The following MORC4 variants were observed in gnomAD, a reference collection of about 807,000 sequenced individuals.
MORC4 encodes the protein MORC family CW-type zinc finger protein 4.
Under a neutral mutation model 65.5 loss-of-function variants are expected in MORC4, and 22 were observed. The observed-to-expected ratio is 0.34, with a 90% CI of 0.24 to 0.48. The LOEUF is 0.48. Among genes scored for constraint, MORC4 ranks in the 20% least tolerant of loss-of-function variants. The pLI, the probability that MORC4 is intolerant of heterozygous loss-of-function variation, is 0.99. For synonymous variants in MORC4, 267 were observed against 255.8 expected (o/e 1.04, Z -0.42); for missense variants, 624 against 703.0 (o/e 0.89, Z 1.27).
chrX:106,951,386 T>A (rs966863504), intron 14 of MORC4, among the ~76,000 whole-genome samples: 7 of 111,442 alleles, frequency 6.3e-5, no homozygotes, highest in Non-Finnish European at 1.1e-4. Flanking sequence ...AGATCTTTCT[T>A]TTTTTTTGAG....
At chrX:106,995,759 G>A (rs1363260251) in intron 2 of MORC4, among the ~76,000 whole-genome samples, 1 of 112,284 alleles carries the variant, frequency 8.9e-6, no homozygotes, top group African/African-American at 3.2e-5. Context: ...TCCTACAATG[G>A]CAGCTTTATC....
intron 9 of MORC4, among the ~76,000 whole-genome samples, chrX:106,970,647 A>C: frequency 8.9e-6 from 1 of 112,140 alleles, no homozygotes; most frequent in Non-Finnish European, 1.9e-5. Context: ...TCAATGCGCA[A>C]AAATCACAAG....
chrX:106,974,979 T>C (rs1171914194), intron 9 of MORC4, among the ~76,000 whole-genome samples: 1 of 111,425 alleles, frequency 9.0e-6, no homozygotes, highest in African/African-American at 3.3e-5. Flanking sequence ...GTAGCAGATG[T>C]TATGCTAAGT....
At chrX:106,998,611 G>T (rs1935119479) in intron 2 of MORC4, among the ~76,000 whole-genome samples, 1 of 112,637 alleles carries the variant, frequency 8.9e-6, no homozygotes, top group Admixed American at 9.3e-5. Context: ...CCAAGGCACA[G>T]TACCAAACCT....
chrX:106,970,871 GT>G (rs777150614), intron 9 of MORC4, among the ~76,000 whole-genome samples: 11 of 111,932 alleles, frequency 9.8e-5, no homozygotes, highest in African/African-American at 3.6e-4. Context: ...AACAAATATT[GT>G]GAAAATGGCC....
In MORC4 at chrX:106,986,026, G is replaced by T. The variant is rs1008010875; in HGVS notation, c.483C>A (p.Ala161=). The T allele has an allele frequency of 8.3e-7, 1 of 1,208,706 alleles. No individual in the cohort carries two copies. Among genetic ancestry groups the T allele is most frequent in the Non-Finnish European group, 1.1e-6 (1 of 894,417 alleles). Residue 161 remains alanine (A), a synonymous_variant, in exon 4 of 17, where the codon GCC becomes GCA. Coordinates refer to ENST00000355610, the MANE Select transcript of MORC4 (RefSeq NM_024657.5). ...GAACAATTGGTACAATAACTGCCTG[G>T]GCCTGGACACATTCCAGATAGGTCT... is the stretch of plus-strand genomic sequence containing the variant. ...LSQTYLECVQ[A]QAVIVPIVPF...
At chrX:106,973,486 G>A (rs1299678271) in intron 9 of MORC4, among the ~76,000 whole-genome samples, 1 of 111,181 alleles carries the variant, frequency 9.0e-6, no homozygotes, top group Non-Finnish European at 1.9e-5. Flanking sequence ...GTTGGGACGG[G>A]GTGAATATAT....
intron 9 of MORC4, among the ~76,000 whole-genome samples, chrX:106,970,852 G>T (rs1039430362): frequency 1.8e-5 from 2 of 111,996 alleles, no homozygotes; most frequent in African/African-American, 6.5e-5. Context: ...CATGCTCATG[G>T]ATAGGAAGAA....
In MORC4 at chrX:106,984,093, C is replaced by T. The variant is rs1934806860; in HGVS notation, c.674+1003G>A. 1.8e-5 allele frequency among the ~76,000 whole-genome samples: 2 copies of T among 110,267 alleles called. 1 individual carries two copies. The highest frequency in any genetic ancestry group is 1.9e-4 in the Admixed American group (2 of 10,328). ...TGAGGTCAGGAGTACAAGATCAGCC[C>T]GGCCAACATGGCAAAACCCCGTCTC... On this transcript the variant is annotated intron_variant, in intron 5 of 16. Transcript: ENST00000355610.
intron 14 of MORC4, among the ~76,000 whole-genome samples, chrX:106,943,679 A>AT (rs985269286): frequency 8.9e-6 from 1 of 112,539 alleles, no homozygotes; most frequent in African/African-American, 3.2e-5. Context: ...ACTTATGCAC[A>AT]TTTTTTTATA....
At position 106,943,304 on chromosome X, in the gene MORC4, A is replaced by G. The variant is rs73533040; in HGVS notation, c.1686-99T>C. 0.032 allele frequency: 20,426 copies of G among 635,374 alleles called. 2,863 individuals carry two copies. In the African/African-American group the frequency reaches 0.4, roughly 13 times the overall value. The allele number at this position is 635,374 out of a possible 1,213,427, so 52.4% of individuals were successfully genotyped here. On this transcript the variant is annotated intron_variant, in intron 14 of 16. Coordinates refer to ENST00000355610, the MANE Select transcript of MORC4 (RefSeq NM_024657.5). ...ACTCAAACTTCCCATATTCAGACTG[A>G]CTCTAGATGTTACCCACAGACAAGT...
At position 106,952,358 on chromosome X, in the gene MORC4, T is replaced by C. The variant is rs375239990; in HGVS notation, c.1685+2555A>G. Among the ~76,000 whole-genome samples the C allele has an allele frequency of 5.3e-5, 6 of 112,393 alleles. No individual in the cohort carries two copies. The East Asian group carries it at 1.4e-3, about 26-fold the overall frequency. On this transcript the variant is annotated intron_variant, in intron 14 of 16. Transcript: ENST00000355610. Reference sequence around the variant, plus strand: ...GACTGTAGTGAATACTATAGGCAACTGTAACAAAATGGTAAGTATTTGCAT... The same window carrying C: ...GACTGTAGTGAATACTATAGGCAACCGTAACAAAATGGTAAGTATTTGCAT...
chrX:106,991,816 A>G (rs1037227222), intron 3 of MORC4, among the ~76,000 whole-genome samples: 1 of 111,158 alleles, frequency 9.0e-6, no homozygotes, highest in African/African-American at 3.3e-5. Flanking sequence ...GAGGTACGAG[A>G]ATCATTTGAA....
intron 8 of MORC4, 118 bp from the exon 9 acceptor site, chrX:106,976,802 A>G: frequency 2.1e-6 from 1 of 465,890 alleles, no homozygotes; most frequent in Non-Finnish European, 3.7e-6. Context: ...AGAAAAGACC[A>G]TCAAGATCTA....
chrX:106,959,961 C>T, intron 10 of MORC4, among the ~76,000 whole-genome samples: 1 of 112,719 alleles, frequency 8.9e-6, no homozygotes, highest in Non-Finnish European at 1.9e-5. Context: ...ATACAATGCC[C>T]TCTTCTTTTT....
chrX:106,948,505 C>T (rs1411635343), intron 14 of MORC4, among the ~76,000 whole-genome samples: 1 of 111,783 alleles, frequency 8.9e-6, no homozygotes, highest in Non-Finnish European at 1.9e-5. Flanking sequence ...CTTTAATTAA[C>T]TACACAGTTA....
In MORC4 at chrX:106,940,798, C is replaced by A. The variant is rs981804984; in HGVS notation, c.*681G>T. On this transcript the variant is annotated 3_prime_UTR_variant, in exon 17 of 17. Transcript: ENST00000355610. ...GAATAACAAGTTTAATATTGAAAAT[C>A]TGAAAAAGGCAGGAAGATAGGAAGA... 1 of 111,799 alleles carries A rather than the reference C, an allele frequency of 8.9e-6. No individual in the cohort carries two copies. The highest frequency in any genetic ancestry group is 1.9e-5 in the Non-Finnish European group (1 of 53,048). 9.2% of individuals were successfully genotyped at this position (111,799 alleles called of 1,213,427 possible). A position where few individuals can be genotyped will look rare whatever the true frequency, so the allele number is the denominator to read the frequency against.
At position 106,942,610 on chromosome X, in the gene MORC4, G is replaced by A. The variant is rs1933718171; in HGVS notation, c.2281C>T (p.Pro761Ser). Residue 761 changes from proline to serine, a missense_variant, in exon 15 of 17, where the codon CCA becomes TCA. Coordinates refer to ENST00000355610, the MANE Select transcript of MORC4 (RefSeq NM_024657.5). Reference sequence around the variant, plus strand: ...AGCTCTCTCTGGTTCTTCAACTTTGGTGTATTATGACCTTCGCTCTCCTCA... The same window carrying A: ...AGCTCTCTCTGGTTCTTCAACTTTGATGTATTATGACCTTCGCTCTCCTCA... ...GYEESEGHNT[P>S]KLKNQRELEE... 8.3e-7 allele frequency: 1 copy of A among 1,209,201 alleles called. No individual in the cohort carries two copies. Among genetic ancestry groups the A allele is most frequent in the Non-Finnish European group, 1.1e-6 (1 of 894,886 alleles).
At chrX:106,947,983 T>C (rs1045704954) in intron 14 of MORC4, among the ~76,000 whole-genome samples, 2 of 111,051 alleles carry the variant, frequency 1.8e-5, no homozygotes, top group Non-Finnish European at 3.8e-5. Context: ...AGTCACATTT[T>C]CTGTTACTGA....
Sources: allele counts gnomAD v4.1 joint callset (sites outside exome capture counted in the v4.1 genomes callset), GRCh38; gene constraint gnomAD v4.1.1; transcripts MANE v1.5; gene names NCBI Gene and HGNC (gene_info 2026-07-23, HGNC 2026-07-21).